Variants in TPX2 observed in about 807,000 individuals in gnomAD.
TPX2 encodes the protein targeting protein for Xklp2.
A neutral mutation model predicts 93.6 loss-of-function variants in TPX2; 21 were observed. The observed-to-expected ratio is 0.22, with a 90% CI of 0.16 to 0.32. The LOEUF (loss-of-function observed/expected upper bound fraction) is 0.32, where lower values mean the gene tolerates loss of function less well. TPX2 is among the 10% of genes least tolerant of loss of function. The probability of loss-of-function intolerance (pLI) is 1.00; values close to 1 mark genes in which losing one functional copy is unlikely to be tolerated. For synonymous variants in TPX2, 281 were observed against 298.3 expected (o/e 0.94, Z 0.60); for missense variants, 776 against 871.1 (o/e 0.89, Z 1.37).
intron 3 of TPX2, among the ~76,000 whole-genome samples, chr20:31,758,319 C>T (rs1716749515): frequency 6.6e-6 from 1 of 152,004 alleles, no homozygotes; most frequent in South Asian, 2.1e-4. Context: ...AGTGTTTTGC[C>T]ATGTTGGCCA....
At chr20:31,770,596 A>C in intron 6 of TPX2, 125 bp downstream of exon 6, 1 of 941,138 alleles carries the variant, frequency 1.1e-6, no homozygotes, top group South Asian at 2.8e-5. Context: ...GTACATCTGT[A>C]ATATGTTTGG....
At chr20:31,755,707 G>A (rs1017664161) in intron 2 of TPX2, among the ~76,000 whole-genome samples, 3 of 151,832 alleles carry the variant, frequency 2.0e-5, no homozygotes, top group Non-Finnish European at 4.4e-5. Context: ...GTTGTGGTGA[G>A]CTGGGATCAT....
chr20:31,742,097 A>G (rs2061756661), intron 1 of TPX2, among the ~76,000 whole-genome samples: 1 of 152,004 alleles, frequency 6.6e-6, no homozygotes, highest in Non-Finnish European at 1.5e-5. Context: ...AAAGTATAAA[A>G]TTGTATCTAG....
At chr20:31,763,956 C>T (rs111551598) in intron 4 of TPX2, among the ~76,000 whole-genome samples, 62,791 of 151,060 alleles carry the variant, frequency 0.42, 16,839 homozygotes, top group African/African-American at 0.76. Flanking sequence ...GAGGCGGAGG[C>T]TGCAGTGAGC....
rs1397197705 is a variant in TPX2, at chr20:31,792,774, A to G, written c.1453A>G (p.Lys485Glu). ...GAAGGTACTTCCAATCACCGTCCCC[A>G]AGTCACCAGCCTTTGCATTGAAGAA... ...EKKVLPITVP[K>E]SPAFALKNRI... Residue 485 changes from lysine (K) to glutamate (E), a missense_variant, in exon 13 of 18, where the codon AAG becomes GAG. Transcript: ENST00000300403. 1.2e-6 allele frequency: 2 copies of G among 1,614,236 alleles called. No individual in the cohort carries two copies. Among genetic ancestry groups the G allele is most frequent in the East Asian group, 4.5e-5 (2 of 44,890 alleles).
chr20:31,792,181 A>G (rs2062106131), intron 12 of TPX2, among the ~76,000 whole-genome samples: 1 of 151,866 alleles, frequency 6.6e-6, no homozygotes, highest in Admixed American at 6.6e-5. Flanking sequence ...TGAGGCCAGG[A>G]ATTTGAGACC....
Position 31,747,743 on chromosome 20 carries a change from TG to T in TPX2, c.-71+5101del, listed in dbSNP as rs577005979. On this transcript the variant is annotated intron_variant, in intron 2 of 17. Transcript: ENST00000300403. The stretch of plus-strand genomic sequence containing the variant: ...CTCTTGCTTGGCAACTTGATTTGTT[TG>T]GGGGAATGTGGTTGACGCATGTGCC... Among the ~76,000 whole-genome samples, 39 of 151,786 alleles carry T rather than the reference TG, an allele frequency of 2.6e-4. No individual in the cohort carries two copies. In the South Asian group the frequency reaches 7.9e-3, roughly 31 times the overall value.
intron 1 of TPX2, among the ~76,000 whole-genome samples, chr20:31,740,029 G>A (rs186425283): frequency 6.6e-6 from 1 of 152,224 alleles, no homozygotes; most frequent in Admixed American, 6.5e-5. Context: ...TATTTGTCCA[G>A]CTCTCTTTTT....
intron 12 of TPX2, among the ~76,000 whole-genome samples, 164 bp downstream of exon 12, chr20:31,784,085 A>G (rs572292516): frequency 1.1e-4 from 16 of 152,320 alleles, no homozygotes; most frequent in Non-Finnish European, 2.2e-4. Flanking sequence ...AGTTAACTCA[A>G]AGTCTGGTAT....
chr20:31,774,921 T>C (rs1263230976), intron 7 of TPX2, among the ~76,000 whole-genome samples: 1 of 152,084 alleles, frequency 6.6e-6, no homozygotes, highest in Non-Finnish European at 1.5e-5. Context: ...GGTCTTTTAG[T>C]TTTTCTTGTG....
In TPX2 at chr20:31,798,497, G is replaced by C; in HGVS notation, c.2078G>C (p.Arg693Thr). Residue 693 changes from arginine (R) to threonine (T), a missense_variant, in exon 17 of 18, where the codon AGA (arginine) becomes ACA (threonine). Arg to Thr is a moderately conservative substitution (Grantham distance 71). Around this residue, in one of 3 missense-constraint regions of TPX2, gnomAD observed 461 missense variants for 551.2 expected, o/e 0.84. Transcript: ENST00000300403. Reference protein sequence around the residue: ...AQKAQQLEEARLQEEEQKKEE... With the variant: ...AQKAQQLEEATLQEEEQKKEE... ...AAAGCCCAGCAGTTGGAGGAGGCCA[G>C]ACTACAGGAGGAAGAGCAGAAAAAA... 3 of 1,613,378 alleles carry C rather than the reference G, an allele frequency of 1.9e-6. No homozygotes were observed. The highest frequency in any genetic ancestry group is 1.7e-6 in the Non-Finnish European group (2 of 1,179,980).
At chr20:31,793,768 A>G (rs1255365165) in intron 13 of TPX2, 80 bp from the exon 14 acceptor site, 15 of 1,326,528 alleles carry the variant, frequency 1.1e-5, no homozygotes, top group Non-Finnish European at 1.5e-5. Flanking sequence ...ACATATTAAT[A>G]TAATGTCTTC....
intron 2 of TPX2, among the ~76,000 whole-genome samples, chr20:31,745,919 G>A (rs1011173898): frequency 2.6e-5 from 4 of 152,308 alleles, no homozygotes; most frequent in Middle Eastern, 3.4e-3. Flanking sequence ...GTCATAGGTG[G>A]ATTATGGTTT....
intron 2 of TPX2, 90 bp downstream of exon 2, chr20:31,742,737 A>C (rs1200941526): frequency 6.6e-6 from 1 of 152,264 alleles, no homozygotes; most frequent in Non-Finnish European, 1.5e-5. Context: ...AGTAACACAT[A>C]TTTTGGAAGG....
chr20:31,754,130 C>T (rs1253890097), intron 2 of TPX2, among the ~76,000 whole-genome samples: 1 of 151,992 alleles, frequency 6.6e-6, no homozygotes, highest in Non-Finnish European at 1.5e-5. Context: ...GACAGAGTCT[C>T]GCTCTGTCTC....
intron 4 of TPX2, 93 bp from the exon 5 acceptor site, chr20:31,766,463 G>C (rs1034244621): frequency 2.0e-5 from 21 of 1,070,630 alleles, no homozygotes; most frequent in Non-Finnish European, 2.9e-5. Context: ...GGGTGTGTGT[G>C]TGTGTGTGTG....
Position 31,775,869 on chromosome 20 carries a change from A to G in TPX2, c.611A>G (p.Gln204Arg). ...TCATTTACTGATTTTCTCTTTAGGCAGAAGTTTCTAAAAAGTACTGAGGAG... is the reference window on the plus strand; with the variant it reads ...TCATTTACTGATTTTCTCTTTAGGCGGAAGTTTCTAAAAAGTACTGAGGAG... ...HTVPCMPPAK[Q>R]KFLKSTEEQE... Residue 204 changes from glutamine to arginine, a missense_variant and splice_region_variant, in exon 8 of 18, where the codon CAG becomes CGG. Physicochemically the swap from Gln to Arg is conservative, Grantham distance 43 (BLOSUM62 1). Coordinates refer to ENST00000300403, the MANE Select transcript of TPX2 (RefSeq NM_012112.5). The G allele has an allele frequency of 6.4e-7, 1 of 1,567,778 alleles. No individual in the cohort carries two copies. The highest frequency in any genetic ancestry group is 8.6e-7 in the Non-Finnish European group (1 of 1,157,064).
intron 2 of TPX2, among the ~76,000 whole-genome samples, chr20:31,748,902 A>T (rs574462275): frequency 6.6e-6 from 1 of 151,646 alleles, no homozygotes; most frequent in East Asian, 1.9e-4. Flanking sequence ...GGAAGTTATT[A>T]TCTCTTGCTC....
chr20:31,783,108 T>G (rs906130543), intron 11 of TPX2, among the ~76,000 whole-genome samples: 11 of 152,154 alleles, frequency 7.2e-5, no homozygotes, highest in African/African-American at 2.7e-4. Context: ...GGAGTTTATT[T>G]CCTGTATCCT....
Sources: allele counts gnomAD v4.1 joint callset (sites outside exome capture counted in the v4.1 genomes callset), GRCh38; gene constraint gnomAD v4.1.1; regional missense constraint gnomAD v4.1.1; transcripts MANE v1.5; gene names NCBI Gene and HGNC (gene_info 2026-07-23, HGNC 2026-07-21).